The following FSTL4 variants were observed in gnomAD, a reference collection of about 807,000 sequenced individuals.
FSTL4 encodes the protein follistatin-related protein 4.
Under a neutral mutation model 78.2 loss-of-function variants are expected in FSTL4, and 28 were observed. The observed-to-expected ratio is 0.36, with a 90% confidence interval of 0.27 to 0.49. FSTL4 has a LOEUF of 0.49. FSTL4 is among the 20% of genes least tolerant of loss of function. FSTL4 has a pLI of 0.98. For missense variants in FSTL4, 922 were observed against 1,084.9 expected, an observed-to-expected ratio of 0.85 and a Z score of 2.11; for synonymous variants, 422 against 440.5, an observed-to-expected ratio of 0.96 and a Z score of 0.53.
intron 4 of FSTL4, among the ~76,000 whole-genome samples, chr5:133,371,492 C>G (rs745458548): frequency 1.2e-4 from 19 of 152,292 alleles, no homozygotes; most frequent in Middle Eastern, 3.4e-3. Flanking sequence ...GGTGGCAGGA[C>G]GGACCTGTCT....
chr5:133,444,600 C>G, intron 3 of FSTL4, among the ~76,000 whole-genome samples: 1 of 152,250 alleles, frequency 6.6e-6, no homozygotes, highest in Non-Finnish European at 1.5e-5. Context: ...AGCTTTGAAT[C>G]AGAGGCCTTG....
intron 3 of FSTL4, among the ~76,000 whole-genome samples, chr5:133,524,348 C>T (rs907273910): frequency 1.3e-5 from 2 of 152,096 alleles, no homozygotes; most frequent in Non-Finnish European, 2.9e-5. Context: ...TGTGGGTTTT[C>T]CAAGGTCTGA....
intron 2 of FSTL4, among the ~76,000 whole-genome samples, chr5:133,584,805 G>T (rs1197578434): frequency 5.7e-4 from 12 of 21,216 alleles, no homozygotes; most frequent in African/African-American, 1.8e-3. Context: ...TCCTCGAGAA[G>T]AGCAACTCCA....
At chr5:133,655,025 A>G in the FSTL4 span, among the ~76,000 whole-genome samples, 24 of 152,286 alleles carry the variant, frequency 1.6e-4, no homozygotes, top group Admixed American at 3.9e-4. Context: ...ATCCAACAGG[A>G]TACCAACATC....
the FSTL4 span, among the ~76,000 whole-genome samples, chr5:133,783,994 A>G: frequency 6.6e-6 from 1 of 151,906 alleles, no homozygotes; most frequent in East Asian, 1.9e-4. Flanking sequence ...GCCTGGTTCA[A>G]ACCCTGCCTC....
intron 4 of FSTL4, among the ~76,000 whole-genome samples, chr5:133,349,686 C>T (rs1174825185): frequency 3.6e-4 from 37 of 102,478 alleles, no homozygotes; most frequent in African/African-American, 1.4e-3. Flanking sequence ...TGCTGCCATG[C>T]GACTGTAAAG....
the FSTL4 span, among the ~76,000 whole-genome samples, chr5:133,639,179 A>C: frequency 3.3e-5 from 5 of 152,054 alleles, no homozygotes; most frequent in Non-Finnish European, 7.4e-5. Flanking sequence ...CCCTGTGTCC[A>C]TCATTCTCGG....
the FSTL4 span, among the ~76,000 whole-genome samples, chr5:133,639,077 T>C: frequency 6.6e-6 from 1 of 152,152 alleles, no homozygotes; most frequent in Non-Finnish European, 1.5e-5. Flanking sequence ...ACTCGTCATC[T>C]AGGTTTTAAG....
At chr5:133,808,825 G>A in the FSTL4 span, among the ~76,000 whole-genome samples, 1 of 151,872 alleles carries the variant, frequency 6.6e-6, no homozygotes, top group Non-Finnish European at 1.5e-5. Flanking sequence ...ACCACAAAGG[G>A]CAAATGTACC....
At chr5:133,306,080 C>G (rs1753649070) in intron 6 of FSTL4, among the ~76,000 whole-genome samples, 3 of 152,218 alleles carry the variant, frequency 2.0e-5, no homozygotes, top group African/African-American at 7.2e-5. Context: ...GCCTGCCTTG[C>G]CAGCCTGCCA....
intron 3 of FSTL4, among the ~76,000 whole-genome samples, chr5:133,410,885 G>A (rs1756464721): frequency 1.3e-5 from 2 of 152,214 alleles, no homozygotes. Context: ...ACAAAGCTTA[G>A]TAACAATATC....
intron 3 of FSTL4, among the ~76,000 whole-genome samples, chr5:133,494,420 G>C (rs1329810566): frequency 6.6e-6 from 1 of 150,730 alleles, no homozygotes; most frequent in Non-Finnish European, 1.5e-5. Context: ...AGCTTTCCAA[G>C]TCTAGCATCA....
At chr5:133,629,296 C>A in the FSTL4 span, among the ~76,000 whole-genome samples, 32 of 152,050 alleles carry the variant, frequency 2.1e-4, no homozygotes, top group African/African-American at 7.7e-4. Flanking sequence ...ATATATTGAA[C>A]CAGCCTTGCA....
chr5:133,471,150 A>AT (rs919704258), intron 3 of FSTL4, among the ~76,000 whole-genome samples: 1 of 152,136 alleles, frequency 6.6e-6, no homozygotes, highest in African/African-American at 2.4e-5. Context: ...TTCATCATGG[A>AT]TTTTTTTGCA....
chr5:133,278,001 G>A (rs148519422), intron 6 of FSTL4, among the ~76,000 whole-genome samples: 1,586 of 152,238 alleles, frequency 0.01, 11 homozygotes, highest in Middle Eastern at 0.017. Flanking sequence ...TGGAACATGC[G>A]GCCCTCACCA....
intron 8 of FSTL4, among the ~76,000 whole-genome samples, chr5:133,230,853 T>C (rs1355542123): frequency 1.3e-5 from 2 of 152,140 alleles, no homozygotes; most frequent in East Asian, 3.9e-4. Flanking sequence ...ATTAGCAACA[T>C]CTCCCACATC....
At chr5:133,714,568 G>T in the FSTL4 span, among the ~76,000 whole-genome samples, 1 of 152,178 alleles carries the variant, frequency 6.6e-6, no homozygotes, top group African/African-American at 2.4e-5. Context: ...ACAACCTGGA[G>T]AATTGAAAAA....
the FSTL4 span, among the ~76,000 whole-genome samples, chr5:133,803,394 C>G: frequency 6.6e-6 from 1 of 152,164 alleles, no homozygotes; most frequent in Non-Finnish European, 1.5e-5. Context: ...AGGGAAATCA[C>G]AGTTGGGCCC....
the FSTL4 span, among the ~76,000 whole-genome samples, chr5:133,807,325 T>C: frequency 6.6e-6 from 1 of 152,202 alleles, no homozygotes; most frequent in African/African-American, 2.4e-5. Context: ...CAGTGCTATA[T>C]AGGGAGACTG....
Sources: gnomAD v4.1 joint callset for allele counts (sites outside exome capture counted in the v4.1 genomes callset) on GRCh38, gnomAD v4.1.1 for gene constraint, MANE v1.5 for transcripts, NCBI Gene and HGNC (gene_info 2026-07-23, HGNC 2026-07-21) for gene names.